The following SLC24A2 variants were observed in gnomAD, a reference collection of about 807,000 sequenced individuals.
SLC24A2 encodes sodium/potassium/calcium exchanger 2.
Under a neutral mutation model 62.0 loss-of-function variants are expected in SLC24A2, and 36 were observed. The ratio of observed to expected loss-of-function variants is 0.58; its 90% CI spans 0.44 to 0.77. SLC24A2 has a LOEUF of 0.77. Among genes scored for constraint, SLC24A2 ranks in the 30% least tolerant of loss-of-function variants. The pLI, the probability that SLC24A2 is intolerant of heterozygous loss-of-function variation, is 0.00. For missense variants in SLC24A2, 846 were observed against 817.9 expected, an observed-to-expected ratio of 1.03 and a Z score of -0.42; for synonymous variants, 358 against 294.0, an observed-to-expected ratio of 1.22 and a Z score of -2.23.
intron 2 of SLC24A2, among the ~76,000 whole-genome samples, chr9:19,746,553 G>C (rs1279714724): frequency 1.3e-5 from 2 of 151,956 alleles, no homozygotes; most frequent in Non-Finnish European, 2.9e-5. Flanking sequence ...TCTATAATAG[G>C]AAAAATATAA....
chr9:19,994,171 G>A, the SLC24A2 span, among the ~76,000 whole-genome samples: 1 of 152,138 alleles, frequency 6.6e-6, no homozygotes, highest in Non-Finnish European at 1.5e-5. Context: ...CACATTAAAT[G>A]GAGTGATGAC....
At chr9:20,182,527 T>C in the SLC24A2 span, among the ~76,000 whole-genome samples, 1 of 152,036 alleles carries the variant, frequency 6.6e-6, no homozygotes, top group African/African-American at 2.4e-5. Flanking sequence ...CAGCAAACTA[T>C]CACAAGGACA....
rs967685545 is a variant in SLC24A2 at position 19,514,991 on chromosome 9, C to T, written c.*1162G>A. 2.6e-5 allele frequency: 4 copies of T among 152,180 alleles called. No individual in the cohort carries two copies. The highest frequency in any genetic ancestry group is 9.7e-5 in the African/African-American group (4 of 41,440). 9.4% of individuals were successfully genotyped at this position (152,180 alleles called of 1,614,324 possible). A position where few individuals can be genotyped will look rare whatever the true frequency, so the allele number is the denominator to read the frequency against. ...TTTTAAAGAACTATGCCCTTACATC[C>T]CATTAGGTGGCAAGGCCCACTAAGC... On this transcript the variant is annotated 3_prime_UTR_variant, in exon 11 of 11. Transcript: ENST00000341998.
chr9:20,037,311 C>A, the SLC24A2 span, among the ~76,000 whole-genome samples: 1 of 152,180 alleles, frequency 6.6e-6, no homozygotes, highest in Non-Finnish European at 1.5e-5. Context: ...AAAGTCTGTA[C>A]ATGTACAGAC....
the SLC24A2 span, among the ~76,000 whole-genome samples, chr9:19,850,228 A>T: frequency 1.3e-5 from 2 of 152,156 alleles, no homozygotes; most frequent in African/African-American, 4.8e-5. Context: ...AGTAGCATAC[A>T]GTATTATTCA....
At chr9:19,883,460 C>A in the SLC24A2 span, among the ~76,000 whole-genome samples, 1 of 152,034 alleles carries the variant, frequency 6.6e-6, no homozygotes, top group Non-Finnish European at 1.5e-5. Context: ...AATTATTTCA[C>A]AAGTAAAGAA....
At chr9:19,844,215 A>G in the SLC24A2 span, among the ~76,000 whole-genome samples, 47 of 152,290 alleles carry the variant, frequency 3.1e-4, no homozygotes, top group Non-Finnish European at 5.6e-4. Context: ...AACGATAGCC[A>G]TTCTGATTGG....
the SLC24A2 span, among the ~76,000 whole-genome samples, chr9:19,976,221 T>C: frequency 2.6e-5 from 4 of 152,320 alleles, no homozygotes; most frequent in African/African-American, 7.2e-5. Context: ...ATTATTGTTA[T>C]AGCTTTCATA....
chr9:19,546,062 G>C (rs4977554), intron 8 of SLC24A2, among the ~76,000 whole-genome samples: 129,002 of 152,232 alleles, frequency 0.85, 54,853 homozygotes, highest in East Asian at 1. Flanking sequence ...GCTGCGTGTT[G>C]TTTCCTCTGG....
chr9:19,726,598 T>G (rs1821177782), intron 2 of SLC24A2, among the ~76,000 whole-genome samples: 1 of 152,168 alleles, frequency 6.6e-6, no homozygotes, highest in Non-Finnish European at 1.5e-5. Context: ...AAATGTGATT[T>G]TGCTCTCTTC....
chr9:20,303,901 T>C, the SLC24A2 span, among the ~76,000 whole-genome samples: 1 of 152,114 alleles, frequency 6.6e-6, no homozygotes, highest in Non-Finnish European at 1.5e-5. Context: ...GTGCTGTGCA[T>C]CTTATGCTTT....
At chr9:20,050,856 G>T in the SLC24A2 span, among the ~76,000 whole-genome samples, 1 of 152,026 alleles carries the variant, frequency 6.6e-6, no homozygotes, top group African/African-American at 2.4e-5. Flanking sequence ...ATGATGTCAC[G>T]ATTGGAAAAA....
the SLC24A2 span, among the ~76,000 whole-genome samples, chr9:19,820,104 A>G: frequency 1.4e-5 from 2 of 144,912 alleles, no homozygotes; most frequent in African/African-American, 5.2e-5. Flanking sequence ...CTACACAGCA[A>G]TAAAAAGGAA....
chr9:19,959,483 A>G, the SLC24A2 span, among the ~76,000 whole-genome samples: 1 of 152,328 alleles, frequency 6.6e-6, no homozygotes, highest in South Asian at 2.1e-4. Flanking sequence ...AATATAACCC[A>G]ACCTTTAGCA....
At chr9:20,053,314 T>A in the SLC24A2 span, among the ~76,000 whole-genome samples, 12 of 152,172 alleles carry the variant, frequency 7.9e-5, no homozygotes, top group African/African-American at 2.7e-4. Flanking sequence ...ACCAGAGATT[T>A]CCAACACATT....
intron 7 of SLC24A2, among the ~76,000 whole-genome samples, chr9:19,562,235 C>T (rs1216534632): frequency 6.6e-6 from 1 of 151,984 alleles, no homozygotes; most frequent in South Asian, 2.1e-4. Context: ...ACTGGAGAAA[C>T]ATAAAAAATA....
chr9:20,263,926 G>A, the SLC24A2 span, among the ~76,000 whole-genome samples: 1 of 138,346 alleles, frequency 7.2e-6, no homozygotes, highest in South Asian at 2.2e-4. Context: ...GTCTGGCTGG[G>A]CAGATGCAAT....
chr9:19,651,069 A>T (rs1402206104), intron 2 of SLC24A2, among the ~76,000 whole-genome samples: 1 of 152,180 alleles, frequency 6.6e-6, no homozygotes, highest in African/African-American at 2.4e-5. Flanking sequence ...ACCTTTTCAG[A>T]AACAAGCTCA....
At chr9:19,784,535 G>A (rs1823104780) in intron 2 of SLC24A2, among the ~76,000 whole-genome samples, 1 of 152,168 alleles carries the variant, frequency 6.6e-6, no homozygotes, top group Admixed American at 6.5e-5. Flanking sequence ...CAATCGTTCA[G>A]TACTTTAATT....
Sources: allele counts gnomAD v4.1 joint callset (sites outside exome capture counted in the v4.1 genomes callset), GRCh38; gene constraint gnomAD v4.1.1; transcripts MANE v1.5; gene names NCBI Gene and HGNC (gene_info 2026-07-23, HGNC 2026-07-21).